The following AFG1L variants were observed in gnomAD, a reference collection of about 807,000 sequenced individuals.
AFG1L encodes AFG1 like ATPase.
AFG1L carries 53 observed loss-of-function variants against 62.2 expected under a neutral mutation model. The observed-to-expected ratio is 0.85, with a 90% CI of 0.68 to 1.07. AFG1L has a LOEUF of 1.07. Ranked by LOEUF, AFG1L falls within the 50% of genes least tolerant of loss-of-function variation. AFG1L has a pLI of 0.00. For missense variants in AFG1L, 555 were observed against 590.5 expected (o/e 0.94, Z 0.62); for synonymous variants, 228 against 210.3 (o/e 1.08, Z -0.73).
At chr6:108,306,549 T>A (rs1457970368) in intron 1 of AFG1L, among the ~76,000 whole-genome samples, 1 of 152,246 alleles carries the variant, frequency 6.6e-6, no homozygotes, top group Non-Finnish European at 1.5e-5. Flanking sequence ...GGTGCCACCT[T>A]GTCCCAATTC....
intron 8 of AFG1L, among the ~76,000 whole-genome samples, chr6:108,456,656 C>G (rs1459986427): frequency 2.6e-5 from 4 of 152,080 alleles, no homozygotes; most frequent in African/African-American, 4.8e-5. Context: ...CACCCCTCTA[C>G]CCTCTGCCAA....
At chr6:108,512,383 A>G (rs984216611) in intron 11 of AFG1L, among the ~76,000 whole-genome samples, 1 of 152,142 alleles carries the variant, frequency 6.6e-6, no homozygotes, top group African/African-American at 2.4e-5. Context: ...CACACATGTG[A>G]TGGGTAATCT....
intron 6 of AFG1L, among the ~76,000 whole-genome samples, chr6:108,395,012 G>T (rs1372826415): frequency 6.6e-6 from 1 of 151,868 alleles, no homozygotes; most frequent in Non-Finnish European, 1.5e-5. Flanking sequence ...TTTATTATAG[G>T]GAAGAAAAAA....
intron 1 of AFG1L, among the ~76,000 whole-genome samples, chr6:108,302,102 A>G (rs998757047): frequency 5.9e-5 from 9 of 152,186 alleles, no homozygotes; most frequent in Admixed American, 3.9e-4. Flanking sequence ...GTCCACCACC[A>G]TGCCCTGCTA....
intron 10 of AFG1L, among the ~76,000 whole-genome samples, chr6:108,493,682 A>G (rs1298208834): frequency 2.6e-5 from 4 of 152,230 alleles, no homozygotes; most frequent in Non-Finnish European, 5.9e-5. Context: ...ATTCAGTCCC[A>G]GGTGGTTAGT....
At chr6:108,369,433 A>G (rs1779895574) in intron 6 of AFG1L, among the ~76,000 whole-genome samples, 1 of 152,260 alleles carries the variant, frequency 6.6e-6, no homozygotes, top group East Asian at 1.9e-4. Flanking sequence ...ATTGTTTTCT[A>G]TCTTTTTGCC....
In AFG1L at chr6:108,348,703, C is replaced by T. The variant is rs540682885; in HGVS notation, c.415+1664C>T. 1.4e-4 allele frequency among the ~76,000 whole-genome samples: 21 copies of T among 152,288 alleles called. No individual in the cohort carries two copies. The East Asian group carries it at 4.1e-3, about 29-fold the overall frequency. ...ACAGACACTTGATCAATTTTATGTTCCTGCACCTTTGGGCACCATTAATGA... is the reference window on the plus strand; with the variant it reads ...ACAGACACTTGATCAATTTTATGTTTCTGCACCTTTGGGCACCATTAATGA... On this transcript the variant is annotated intron_variant, in intron 3 of 12. Transcript: ENST00000368977.
At chr6:108,476,109 C>T (rs1472839703) in intron 8 of AFG1L, among the ~76,000 whole-genome samples, 2 of 151,756 alleles carry the variant, frequency 1.3e-5, no homozygotes, top group African/African-American at 2.4e-5. Context: ...AATTTACCAC[C>T]CCTCTTAAAA....
At chr6:108,316,676 G>A (rs939473023) in intron 1 of AFG1L, among the ~76,000 whole-genome samples, 55 of 151,508 alleles carry the variant, frequency 3.6e-4, no homozygotes, top group African/African-American at 1.3e-3. Flanking sequence ...GGGACTACAG[G>A]CACCTGCCAC....
At chr6:108,498,297 G>C (rs1774046330) in intron 10 of AFG1L, among the ~76,000 whole-genome samples, 1 of 152,192 alleles carries the variant, frequency 6.6e-6, no homozygotes, top group Admixed American at 6.5e-5. Flanking sequence ...ATATGGACAA[G>C]GAGGCAAGAA....
At chr6:108,371,265 C>T (rs1353654249) in intron 6 of AFG1L, among the ~76,000 whole-genome samples, 1 of 152,104 alleles carries the variant, frequency 6.6e-6, no homozygotes, top group Admixed American at 6.5e-5. Flanking sequence ...CTACAAGACA[C>T]TAGAAATGTT....
chr6:108,381,849 A>T (rs190580618), intron 6 of AFG1L, among the ~76,000 whole-genome samples: 205 of 152,316 alleles, frequency 1.3e-3, no homozygotes, highest in African/African-American at 4.7e-3. Context: ...CAAAAATAGA[A>T]ATACATTTTT....
chr6:108,317,263 A>T (rs948037553), intron 1 of AFG1L, among the ~76,000 whole-genome samples: 3 of 152,230 alleles, frequency 2.0e-5, no homozygotes, highest in Non-Finnish European at 4.4e-5. Flanking sequence ...CCCACACAGG[A>T]GAACTGGAGT....
At chr6:108,498,493 A>G (rs1318388557) in intron 10 of AFG1L, among the ~76,000 whole-genome samples, 2 of 152,156 alleles carry the variant, frequency 1.3e-5, no homozygotes, top group Non-Finnish European at 2.9e-5. Flanking sequence ...GTGAGTGGCA[A>G]CATTGTATTT....
At chr6:108,355,622 A>C in intron 3 of AFG1L, 32 bp from the exon 4 acceptor site, 2 of 1,132,746 alleles carry the variant, frequency 1.8e-6, no homozygotes, top group Non-Finnish European at 1.3e-6. Flanking sequence ...ATACTATTTA[A>C]TAGTATTCTT....
chr6:108,499,133 A>G (rs1447620889), intron 10 of AFG1L, among the ~76,000 whole-genome samples: 2 of 147,212 alleles, frequency 1.4e-5, no homozygotes, highest in African/African-American at 5.0e-5. Flanking sequence ...CAGTGGCGCC[A>G]TCTTGGTTCA....
rs570778355 is a variant in AFG1L, at chr6:108,335,068, G to A, written c.363+11020G>A. On this transcript the variant is annotated intron_variant, in intron 2 of 12. Transcript: ENST00000368977. ...GAGTGTAGTGGCACGATCTCAGCTC[G>A]TGGCAACCTCCGCCTCCCAAGTTAA... 1.9e-4 allele frequency among the ~76,000 whole-genome samples: 28 copies of A among 151,268 alleles called. No individual in the cohort carries two copies. The East Asian group carries it at 3.3e-3, about 18-fold the overall frequency.
chr6:108,393,469 A>G (rs2114601770), intron 6 of AFG1L, among the ~76,000 whole-genome samples: 1 of 152,080 alleles, frequency 6.6e-6, no homozygotes, highest in Non-Finnish European at 1.5e-5. Context: ...GATGATATAT[A>G]TATCCTTGTA....
intron 7 of AFG1L, among the ~76,000 whole-genome samples, chr6:108,415,816 C>CG (rs1175228941): frequency 6.6e-6 from 1 of 152,136 alleles, no homozygotes; most frequent in East Asian, 1.9e-4. Context: ...ACCATAAAAA[C>CG]CTAGAAGAAA....
Sources: gnomAD v4.1 joint callset for allele counts (sites outside exome capture counted in the v4.1 genomes callset) on GRCh38, gnomAD v4.1.1 for gene constraint, MANE v1.5 for transcripts, NCBI Gene and HGNC (gene_info 2026-07-23, HGNC 2026-07-21) for gene names.